PAPSS2: variants seen among roughly 807,000 people sequenced by gnomAD.
The protein encoded by PAPSS2 is bifunctional 3'-phosphoadenosine 5'-phosphosulfate synthase 2.
A neutral mutation model predicts 66.5 loss-of-function variants in PAPSS2; 61 were observed. The observed-to-expected ratio is 0.92, with a 90% confidence interval of 0.75 to 1.14. The LOEUF (loss-of-function observed/expected upper bound fraction) is 1.14, where lower values mean the gene tolerates loss of function less well. Ranked by LOEUF, PAPSS2 falls within the 50% of genes most tolerant of loss-of-function variation. The pLI, the probability that PAPSS2 is intolerant of heterozygous loss-of-function variation, is 0.00. For missense variants in PAPSS2, 708 were observed against 789.6 expected, an observed-to-expected ratio of 0.90 and a Z score of 1.24; for synonymous variants, 289 against 287.5, an observed-to-expected ratio of 1.01 and a Z score of -0.05.
At chr10:87,675,090 T>C (rs1852928685) in intron 1 of PAPSS2, among the ~76,000 whole-genome samples, 3 of 152,258 alleles carry the variant, frequency 2.0e-5, no homozygotes, top group Admixed American at 2.0e-4. Flanking sequence ...TAGCAGGCCC[T>C]AAGAGGGACG....
intron 7 of PAPSS2, among the ~76,000 whole-genome samples, chr10:87,716,529 C>T (rs563384552): frequency 6.6e-6 from 1 of 152,278 alleles, no homozygotes; most frequent in South Asian, 2.1e-4. Context: ...TCAAGACCTT[C>T]GGGGAATGGC....
chr10:87,728,368 T>C (rs1195547486), intron 9 of PAPSS2, among the ~76,000 whole-genome samples: 3 of 152,198 alleles, frequency 2.0e-5, no homozygotes, highest in Non-Finnish European at 4.4e-5. Flanking sequence ...GAGAGCACTG[T>C]CAGACCCAGG....
chr10:87,731,362 A>C (rs528281708), intron 9 of PAPSS2, among the ~76,000 whole-genome samples: 2 of 152,336 alleles, frequency 1.3e-5, no homozygotes, highest in African/African-American at 4.8e-5. Flanking sequence ...GCTAATTGAC[A>C]GTGCACCTAG....
intron 1 of PAPSS2, chr10:87,703,780 A>G (rs190615601): frequency 1.9e-6 from 1 of 518,904 alleles, no homozygotes; most frequent in East Asian, 5.4e-5. Flanking sequence ...GATTTTTGCA[A>G]AATTGTCTTA....
intron 1 of PAPSS2, among the ~76,000 whole-genome samples, chr10:87,692,589 A>G (rs1011077380): frequency 2.0e-5 from 3 of 152,116 alleles, no homozygotes; most frequent in African/African-American, 7.2e-5. Context: ...TGGAAGAGAG[A>G]TGCTGTTTTA....
chr10:87,668,625 T>A (rs1852840672), intron 1 of PAPSS2, among the ~76,000 whole-genome samples: 1 of 151,832 alleles, frequency 6.6e-6, no homozygotes, highest in South Asian at 2.1e-4. Context: ...TGAACATTAT[T>A]TACTCTATAT....
At position 87,745,220 on chromosome 10, in the gene PAPSS2, T is replaced by C. The variant is rs1564730636; in HGVS notation, c.1710T>C (p.Tyr570=). The change falls in exon 12 of 13, where the codon TAT becomes TAC. Residue 570 remains tyrosine, a synonymous_variant. Transcript: ENST00000456849. ...YNKAKKAMDF[Y]DPARHNEFDF... Reference sequence around the variant, plus strand: ...AAGCCAAAAAAGCCATGGACTTCTATGATCCAGCAAGGTAGGTTTTCAGAG... The same window carrying C: ...AAGCCAAAAAAGCCATGGACTTCTACGATCCAGCAAGGTAGGTTTTCAGAG... 1.2e-6 allele frequency: 2 copies of C among 1,611,854 alleles called. No individual in the cohort carries two copies. The highest frequency in any genetic ancestry group is 1.3e-5 in the African/African-American group (1 of 74,920).
At chr10:87,708,421 A>C (rs1224944779) in intron 1 of PAPSS2, among the ~76,000 whole-genome samples, 2 of 152,154 alleles carry the variant, frequency 1.3e-5, no homozygotes, top group Admixed American at 6.5e-5. Context: ...CTGATGTCTG[A>C]ATGGGAGCAA....
Position 87,659,940 on chromosome 10 carries a change from G to A in PAPSS2, c.-42G>A. The A allele has an allele frequency of 6.2e-7, 1 of 1,609,372 alleles. No homozygotes were observed. The highest frequency in any genetic ancestry group is 8.5e-7 in the Non-Finnish European group (1 of 1,177,948). ...GCCGCCGCCGTCCCTGCGTCCTTCG[G>A]TCTCTGCTCCCGGGACCCGGGCTCC... is the stretch of plus-strand genomic sequence containing the variant. On this transcript the variant is annotated 5_prime_UTR_variant, in exon 1 of 13. Coordinates refer to ENST00000456849, the MANE Select transcript of PAPSS2 (RefSeq NM_001015880.2).
chr10:87,710,708 TA>T (rs1381409341), intron 2 of PAPSS2, among the ~76,000 whole-genome samples: 2 of 152,124 alleles, frequency 1.3e-5, no homozygotes, highest in Non-Finnish European at 2.9e-5. Context: ...TGGCAAATTT[TA>T]AAAAATCAAG....
At chr10:87,661,868 T>C (rs2131890365) in intron 1 of PAPSS2, among the ~76,000 whole-genome samples, 1 of 152,350 alleles carries the variant, frequency 6.6e-6, no homozygotes, top group South Asian at 2.1e-4. Context: ...TGATTTAGTC[T>C]AACGCAGTTA....
intron 1 of PAPSS2, among the ~76,000 whole-genome samples, chr10:87,701,228 ATT>A (rs1482710260): frequency 8.3e-6 from 1 of 120,550 alleles, no homozygotes; most frequent in Non-Finnish European, 1.6e-5. Context: ...TTATATAATA[ATT>A]TTCTTTCTTT....
At chr10:87,696,136 C>A (rs951539397) in intron 1 of PAPSS2, among the ~76,000 whole-genome samples, 5 of 152,190 alleles carry the variant, frequency 3.3e-5, no homozygotes, top group Admixed American at 1.3e-4. Flanking sequence ...ATGAAATTCT[C>A]TATCTTGGGT....
At chr10:87,704,344 G>A (rs928808677) in intron 1 of PAPSS2, among the ~76,000 whole-genome samples, 1 of 152,204 alleles carries the variant, frequency 6.6e-6, no homozygotes, top group African/African-American at 2.4e-5. Flanking sequence ...CGAAGAACTT[G>A]CTGGGGAGAC....
In PAPSS2 at chr10:87,745,091, C is replaced by T. The variant is rs939124524; in HGVS notation, c.1581C>T (p.Thr527=). 6.2e-7 allele frequency: 1 copy of T among 1,613,994 alleles called. No individual in the cohort carries two copies. The highest frequency in any genetic ancestry group is 8.5e-7 in the Non-Finnish European group (1 of 1,179,996). The change falls in exon 12 of 13, where the codon ACC becomes ACT. Residue 527 remains threonine, a synonymous_variant. Coordinates refer to ENST00000456849, the MANE Select transcript of PAPSS2 (RefSeq NM_001015880.2). ...CTGCAGGAATGCCCCATCCTGAAACCAAGAAGGATCTGTATGAACCCACTC... is the reference window on the plus strand; with the variant it reads ...CTGCAGGAATGCCCCATCCTGAAACTAAGAAGGATCTGTATGAACCCACTC... ...RDPAGMPHPE[T]KKDLYEPTHG... is the part of the protein sequence containing the mutation.
At position 87,743,611 on chromosome 10, in the gene PAPSS2, G is replaced by A. The variant is rs201982457; in HGVS notation, c.1461G>A (p.Pro487=). ...DPKSTIVAIF[P]SPMLYAGPTE... Reference sequence around the variant, plus strand: ...AGTCAACCATTGTTGCCATCTTTCCGTCTCCCATGTTATATGCTGGCCCCA... The same window carrying A: ...AGTCAACCATTGTTGCCATCTTTCCATCTCCCATGTTATATGCTGGCCCCA... The change falls in exon 11 of 13, where the codon CCG becomes CCA. Residue 487 remains proline (P), a synonymous_variant. Coordinates refer to ENST00000456849, the MANE Select transcript of PAPSS2 (RefSeq NM_001015880.2). 3.3e-5 allele frequency: 54 copies of A among 1,614,100 alleles called. No individual in the cohort carries two copies. Among genetic ancestry groups the A allele is most frequent in the South Asian group, 2.0e-4 (18 of 91,074 alleles).
chr10:87,684,714 A>G (rs1853066068), intron 1 of PAPSS2, among the ~76,000 whole-genome samples: 1 of 152,140 alleles, frequency 6.6e-6, no homozygotes, highest in Non-Finnish European at 1.5e-5. Flanking sequence ...GGGTGTCTCA[A>G]TATTTATAGC....
chr10:87,673,689 CTTTTTTT>C lies in PAPSS2; in HGVS notation c.27+13700_27+13706del, dbSNP rs34935261. 1.2e-3 allele frequency among the ~76,000 whole-genome samples: 84 copies of C among 67,418 alleles called. 1 individual carries two copies. The highest frequency in any genetic ancestry group is 3.9e-3 in the South Asian group (6 of 1,540). 44.2% of individuals were successfully genotyped at this position (67,418 alleles called of 152,430 possible). A position where few individuals can be genotyped will look rare whatever the true frequency, so the allele number is the denominator to read the frequency against. ...AGCTCAGAAGTGAATTTTTGGCTTACTTTTTTTTTTTTTTTTTTTTTTTTTGCACCAG... is the reference window on the plus strand; with the variant it reads ...AGCTCAGAAGTGAATTTTTGGCTTACTTTTTTTTTTTTTTTTTTGCACCAG... On this transcript the variant is annotated intron_variant, in intron 1 of 12. Transcript: ENST00000456849.
chr10:87,679,643 C>T (rs948542163), intron 1 of PAPSS2, among the ~76,000 whole-genome samples: 4 of 151,974 alleles, frequency 2.6e-5, no homozygotes, highest in Non-Finnish European at 5.9e-5. Context: ...AGTCAAAAGA[C>T]AAGCGAAAAC....
Sources: allele counts gnomAD v4.1 joint callset (sites outside exome capture counted in the v4.1 genomes callset), GRCh38; gene constraint gnomAD v4.1.1; transcripts MANE v1.5; gene names NCBI Gene and HGNC (gene_info 2026-07-23, HGNC 2026-07-21).